Variants in FRMPD4 observed in about 807,000 individuals in gnomAD.
FRMPD4 encodes the protein FERM and PDZ domain-containing protein 4.
FRMPD4 carries 22 observed loss-of-function variants against 94.1 expected under a neutral mutation model. That is an observed-to-expected ratio of 0.23 (90% CI 0.17 to 0.33). FRMPD4 has a LOEUF of 0.33. FRMPD4 is among the 10% of genes least tolerant of loss of function. FRMPD4 has a pLI of 1.00. For missense variants in FRMPD4, 1,111 were observed against 1,339.9 expected, an observed-to-expected ratio of 0.83 and a Z score of 2.67; for synonymous variants, 631 against 548.6, an observed-to-expected ratio of 1.15 and a Z score of -2.10.
At chrX:11,840,322 T>A (rs921466863) in intron 1 of FRMPD4, among the ~76,000 whole-genome samples, 1 of 111,801 alleles carries the variant, frequency 8.9e-6, no homozygotes, top group Non-Finnish European at 1.9e-5. Flanking sequence ...TTTATTCTTT[T>A]ATATAATATT....
At chrX:12,486,422 T>C (rs944903879) in intron 1 of FRMPD4, among the ~76,000 whole-genome samples, 3 of 112,578 alleles carry the variant, frequency 2.7e-5, no homozygotes, top group African/African-American at 9.7e-5. Context: ...CTTTTCATTA[T>C]GAAAGGCTTT....
At chrX:12,231,673 G>T (rs755523186) in intron 1 of FRMPD4, among the ~76,000 whole-genome samples, 7 of 111,728 alleles carry the variant, frequency 6.3e-5, no homozygotes, top group Admixed American at 9.5e-5. Context: ...GGGAGAAGGG[G>T]GCATGGAGGG....
At chrX:12,320,582 C>G (rs1480977969) in intron 1 of FRMPD4, among the ~76,000 whole-genome samples, 1 of 111,652 alleles carries the variant, frequency 9.0e-6, no homozygotes, top group African/African-American at 3.3e-5. Context: ...CATTGAGAAA[C>G]AGACATTTTG....
rs765270290 is a variant in FRMPD4, at chrX:12,383,395, C to A, written c.42-115285C>A. Reference sequence around the variant, plus strand: ...AGGCAGTGCTACTGGCCTCTAGTGGCTGAAATCTAAGGATGCTGCTAAACC... The same window carrying A: ...AGGCAGTGCTACTGGCCTCTAGTGGATGAAATCTAAGGATGCTGCTAAACC... On this transcript the variant is annotated intron_variant, in intron 1 of 16. Transcript: ENST00000675598. 5.7e-3 allele frequency among the ~76,000 whole-genome samples: 632 copies of A among 111,748 alleles called. 5 individuals are homozygous for A. Among genetic ancestry groups the A allele is most frequent in the Non-Finnish European group, 7.6e-3 (402 of 53,111 alleles).
chrX:12,105,520 G>T (rs2055289664), intron 3 of FRMPD4, among the ~76,000 whole-genome samples: 1 of 112,063 alleles, frequency 8.9e-6, no homozygotes, highest in South Asian at 3.7e-4. Flanking sequence ...CAGAATTATT[G>T]CTGCTTGTAA....
At chrX:12,613,710 G>A (rs2059205772) in intron 3 of FRMPD4, among the ~76,000 whole-genome samples, 1 of 112,205 alleles carries the variant, frequency 8.9e-6, no homozygotes, top group Non-Finnish European at 1.9e-5. Flanking sequence ...GGGTGTAGGG[G>A]CTCACGCCTG....
At chrX:12,655,438 T>G (rs2059643544) in intron 4 of FRMPD4, among the ~76,000 whole-genome samples, 1 of 111,033 alleles carries the variant, frequency 9.0e-6, no homozygotes, top group Admixed American at 9.6e-5. Flanking sequence ...AGGATCCTCT[T>G]GTTGGTTTTT....
intron 2 of FRMPD4, among the ~76,000 whole-genome samples, chrX:12,515,772 A>G (rs2058089636): frequency 9.0e-6 from 1 of 111,704 alleles, no homozygotes; most frequent in African/African-American, 3.3e-5. Context: ...GATCTGTCTA[A>G]TATTGACAGT....
chrX:11,908,140 G>T (rs1327240955), intron 3 of FRMPD4, among the ~76,000 whole-genome samples: 8 of 112,065 alleles, frequency 7.1e-5, no homozygotes, highest in Non-Finnish European at 1.9e-5. Flanking sequence ...TGCCAGTAAA[G>T]ATTCTACTTT....
chrX:12,372,387 A>G (rs1260046361), intron 1 of FRMPD4, among the ~76,000 whole-genome samples: 3 of 112,871 alleles, frequency 2.7e-5, no homozygotes, highest in African/African-American at 9.6e-5. Flanking sequence ...TCAGAATCTC[A>G]GCAATGAGGC....
chrX:12,452,136 G>A (rs1444586545), intron 1 of FRMPD4, among the ~76,000 whole-genome samples: 1 of 110,991 alleles, frequency 9.0e-6, no homozygotes, highest in Non-Finnish European at 1.9e-5. Context: ...AAGGGCTGCT[G>A]TATCTGAAAG....
intron 1 of FRMPD4, among the ~76,000 whole-genome samples, chrX:12,146,913 A>G (rs2055777108): frequency 8.9e-6 from 1 of 112,192 alleles, no homozygotes; most frequent in South Asian, 3.7e-4. Flanking sequence ...CCTGCACATC[A>G]GTGTTCAGCT....
chrX:12,332,017 A>G, intron 1 of FRMPD4, among the ~76,000 whole-genome samples: 1 of 65,539 alleles, frequency 1.5e-5, no homozygotes, highest in South Asian at 6.6e-4. Flanking sequence ...TATATACTAT[A>G]TATAAATTAT....
At chrX:12,603,484 TTTC>T (rs2059102507) in intron 2 of FRMPD4, among the ~76,000 whole-genome samples, 1 of 112,373 alleles carries the variant, frequency 8.9e-6, no homozygotes, top group Non-Finnish European at 1.9e-5. Flanking sequence ...AGGAAAGCCC[TTTC>T]CTTTTGTTAT....
At chrX:12,512,231 T>A (rs1163056102) in intron 2 of FRMPD4, among the ~76,000 whole-genome samples, 2 of 112,787 alleles carry the variant, frequency 1.8e-5, no homozygotes, top group African/African-American at 3.2e-5. Context: ...ACATATTTTT[T>A]AAGTTCTGGG....
chrX:12,403,132 G>A (rs1361135537), intron 1 of FRMPD4, among the ~76,000 whole-genome samples: 2 of 110,893 alleles, frequency 1.8e-5, no homozygotes, highest in Non-Finnish European at 3.8e-5. Context: ...AACTCAAATC[G>A]TGTCATGCCA....
intron 1 of FRMPD4, among the ~76,000 whole-genome samples, chrX:11,835,121 A>G (rs1000453549): frequency 1.8e-5 from 2 of 111,762 alleles, no homozygotes; most frequent in African/African-American, 3.2e-5. Context: ...AACTTGCTCT[A>G]TGAGTTAAAA....
chrX:12,052,366 C>T (rs1239253223), intron 3 of FRMPD4, among the ~76,000 whole-genome samples: 4 of 111,697 alleles, frequency 3.6e-5, no homozygotes, highest in Non-Finnish European at 7.5e-5. Flanking sequence ...CCAACATATC[C>T]AAGAAATTTA....
At chrX:12,698,204 G>A (rs771986185) in intron 9 of FRMPD4, among the ~76,000 whole-genome samples, 32 of 112,038 alleles carry the variant, frequency 2.9e-4, no homozygotes, top group African/African-American at 9.7e-4. Flanking sequence ...CATGAAAACA[G>A]AAGTTGCAAT....
Sources: allele counts gnomAD v4.1 joint callset (sites outside exome capture counted in the v4.1 genomes callset), GRCh38; gene constraint gnomAD v4.1.1; transcripts MANE v1.5; gene names NCBI Gene and HGNC (gene_info 2026-07-23, HGNC 2026-07-21).